The following SEMA3A variants were observed in gnomAD, a reference collection of about 807,000 sequenced individuals.
The protein encoded by SEMA3A is semaphorin-3A.
SEMA3A carries 29 observed loss-of-function variants against 97.9 expected under a neutral mutation model. The ratio of observed to expected loss-of-function variants is 0.30; its 90% CI spans 0.22 to 0.40. The LOEUF (loss-of-function observed/expected upper bound fraction) is 0.40, where lower values mean the gene tolerates loss of function less well. SEMA3A is among the 10% of genes least tolerant of loss of function. The probability of loss-of-function intolerance (pLI) is 1.00; values close to 1 mark genes in which losing one functional copy is unlikely to be tolerated. For missense variants in SEMA3A, 763 were observed against 951.3 expected, an observed-to-expected ratio of 0.80 and a Z score of 2.60; for synonymous variants, 321 against 323.7, an observed-to-expected ratio of 0.99 and a Z score of 0.09.
At chr7:84,203,527 T>TATATATATATATATATATATATA (rs1554345528) in intron 3 of SEMA3A, among the ~76,000 whole-genome samples, 1 of 29,646 alleles carries the variant, frequency 3.4e-5, no homozygotes, top group African/African-American at 1.3e-4. Context: ...TATATATATA[T>TATATATATATATATATATATATA]TTTTTTTTTT....
chr7:84,248,309 T>G (rs1031778868), intron 3 of SEMA3A, among the ~76,000 whole-genome samples: 1 of 152,244 alleles, frequency 6.6e-6, no homozygotes, highest in African/African-American at 2.4e-5. Context: ...AATGGATTTT[T>G]TTAAGGTACT....
rs1020799207 is a variant in SEMA3A at position 84,367,860 on chromosome 7, G to C, written c.-169+3964C>G. 2.0e-5 allele frequency among the ~76,000 whole-genome samples: 3 copies of C among 151,090 alleles called. No individual in the cohort carries two copies. The Admixed American group carries it at 2.0e-4, about 10-fold the overall frequency. On this transcript the variant is annotated intron_variant, in intron 2 of 3. Coordinates refer to the SEMA3A transcript ENST00000424555. ...TTGGAGTGTCAAAAAATTTCCCTTA[G>C]TCAAATCTACAATTCTGTTTATCTA...
At chr7:84,249,973 A>G (rs185645141) in intron 3 of SEMA3A, among the ~76,000 whole-genome samples, 2 of 150,630 alleles carry the variant, frequency 1.3e-5, no homozygotes, top group Admixed American at 1.3e-4. Context: ...TTTCTAATTG[A>G]CTCTGCTCAA....
chr7:84,096,106 C>A (rs1382492013), intron 4 of SEMA3A, among the ~76,000 whole-genome samples: 2 of 151,880 alleles, frequency 1.3e-5, no homozygotes, highest in Non-Finnish European at 2.9e-5. Flanking sequence ...TCTTGAGGTA[C>A]ATGGAAAATT....
chr7:84,299,195 T>C (rs1335045595), intron 3 of SEMA3A, among the ~76,000 whole-genome samples: 1 of 151,388 alleles, frequency 6.6e-6, no homozygotes, highest in Non-Finnish European at 1.5e-5. Context: ...ATCCTGTGAG[T>C]CAATTCTTTT....
chr7:84,045,003 C>A (rs1295439128), intron 6 of SEMA3A, among the ~76,000 whole-genome samples: 1 of 151,946 alleles, frequency 6.6e-6, no homozygotes, highest in East Asian at 1.9e-4. Context: ...GGAAGAGATG[C>A]TGATTGAGGT....
intron 3 of SEMA3A, among the ~76,000 whole-genome samples, chr7:84,246,012 C>G (rs1799468382): frequency 6.6e-6 from 1 of 152,308 alleles, no homozygotes; most frequent in Non-Finnish European, 1.5e-5. Flanking sequence ...TCTGTAAACC[C>G]CTGACTGGGG....
Position 84,067,722 on chromosome 7 carries a change from G to GA in SEMA3A, c.454-7165dup, listed in dbSNP as rs1455081224. 1.4e-4 allele frequency among the ~76,000 whole-genome samples: 22 copies of GA among 152,046 alleles called. 1 individual carries two copies. Among genetic ancestry groups the GA allele is most frequent in the Non-Finnish European group, 2.6e-4 (18 of 67,988 alleles). ...GAAATGCAAATCAAAACCACAATAA[G>GA]ATACCATCTCACACCAGTTAGAATG... On this transcript the variant is annotated intron_variant, in intron 4 of 16. Transcript: ENST00000265362.
intron 1 of SEMA3A, among the ~76,000 whole-genome samples, chr7:84,458,623 T>C (rs779256511): frequency 1.3e-5 from 2 of 152,046 alleles, no homozygotes; most frequent in African/African-American, 4.8e-5. Context: ...GCTGTCAGGT[T>C]TGTTACTAGA....
chr7:84,292,796 T>C (rs577060114), intron 3 of SEMA3A, among the ~76,000 whole-genome samples: 6 of 152,110 alleles, frequency 3.9e-5, no homozygotes, highest in Non-Finnish European at 8.8e-5. Context: ...AATTATATTT[T>C]ATTTTACATT....
chr7:84,359,600 CT>C (rs1241899113), intron 2 of SEMA3A, among the ~76,000 whole-genome samples: 1 of 151,990 alleles, frequency 6.6e-6, no homozygotes, highest in African/African-American at 2.4e-5. Flanking sequence ...CTACAATTCT[CT>C]TTTTTGTGGT....
chr7:84,465,332 T>C (rs941360184), intron 1 of SEMA3A, among the ~76,000 whole-genome samples: 2 of 152,170 alleles, frequency 1.3e-5, no homozygotes, highest in Non-Finnish European at 2.9e-5. Context: ...TTTTTTTCTC[T>C]TGTATATGTT....
At chr7:84,174,265 T>C (rs10228840) in intron 1 of SEMA3A, among the ~76,000 whole-genome samples, 1,744 of 152,222 alleles carry the variant, frequency 0.011, 26 homozygotes, top group African/African-American at 0.04. Context: ...GGGTCCCTGG[T>C]GCCAAAAAGG....
intron 1 of SEMA3A, among the ~76,000 whole-genome samples, chr7:84,387,660 G>GA (rs934704969): frequency 2.0e-5 from 3 of 152,088 alleles, no homozygotes; most frequent in African/African-American, 7.2e-5. Flanking sequence ...GCTCTAATCA[G>GA]AAAATGGGTT....
chr7:84,042,648 A>G (rs905454398), intron 6 of SEMA3A, among the ~76,000 whole-genome samples: 4 of 152,040 alleles, frequency 2.6e-5, no homozygotes, highest in Admixed American at 2.0e-4. Flanking sequence ...CACAACAACT[A>G]TAGGAGATAG....
intron 1 of SEMA3A, among the ~76,000 whole-genome samples, chr7:84,447,388 G>A (rs1448746817): frequency 6.6e-6 from 1 of 152,276 alleles, no homozygotes; most frequent in East Asian, 1.9e-4. Context: ...GAAGTCTTGG[G>A]GCCAGGCTGT....
At chr7:84,339,494 A>G (rs933843067) in intron 2 of SEMA3A, among the ~76,000 whole-genome samples, 2 of 152,132 alleles carry the variant, frequency 1.3e-5, no homozygotes, top group Non-Finnish European at 2.9e-5. Context: ...CAGGAACGTG[A>G]GGGTTTGGCA....
At chr7:84,061,632 C>T (rs2115689461) in intron 4 of SEMA3A, among the ~76,000 whole-genome samples, 1 of 152,024 alleles carries the variant, frequency 6.6e-6, no homozygotes, top group South Asian at 2.1e-4. Flanking sequence ...TAAATGGTGT[C>T]CATTTTATGA....
intron 1 of SEMA3A, among the ~76,000 whole-genome samples, chr7:84,469,770 T>G (rs556146970): frequency 6.6e-6 from 1 of 152,210 alleles, no homozygotes; most frequent in East Asian, 1.9e-4. Context: ...TACAAAATGG[T>G]TTAATTACTA....
Sources: allele counts gnomAD v4.1 joint callset (sites outside exome capture counted in the v4.1 genomes callset), GRCh38; gene constraint gnomAD v4.1.1; transcripts MANE v1.5; gene names NCBI Gene and HGNC (gene_info 2026-07-23, HGNC 2026-07-21).